The following RIMBP2 variants were observed in gnomAD, a reference collection of about 807,000 sequenced individuals.
RIMBP2 encodes the protein RIMS-binding protein 2.
A neutral mutation model predicts 118.6 loss-of-function variants in RIMBP2; 48 were observed. The ratio of observed to expected loss-of-function variants is 0.40; its 90% CI spans 0.32 to 0.51. RIMBP2 has a LOEUF of 0.51. Ranked by LOEUF, RIMBP2 falls within the 20% of genes least tolerant of loss-of-function variation. RIMBP2 has a pLI of 0.41. For missense variants in RIMBP2, 1,551 were observed against 1,768.3 expected, an observed-to-expected ratio of 0.88 and a Z score of 2.20; for synonymous variants, 762 against 742.9, an observed-to-expected ratio of 1.03 and a Z score of -0.42.
At chr12:130,463,943 G>A (rs1020101741) in intron 6 of RIMBP2, among the ~76,000 whole-genome samples, 1 of 150,774 alleles carries the variant, frequency 6.6e-6, no homozygotes, top group Non-Finnish European at 1.5e-5. Context: ...CACATTACAC[G>A]CTCATTATAA....
At chr12:130,607,867 A>G (rs2060281237) in intron 2 of RIMBP2, among the ~76,000 whole-genome samples, 1 of 152,008 alleles carries the variant, frequency 6.6e-6, no homozygotes, top group South Asian at 2.1e-4. Flanking sequence ...ATCAGAAATA[A>G]AGGCCATGAC....
At position 130,403,435 on chromosome 12, in the gene RIMBP2, T is replaced by C. The variant is rs79989999; in HGVS notation, c.3765+2737A>G. Among the ~76,000 whole-genome samples the C allele has an allele frequency of 3.5e-3, 526 of 152,280 alleles. 7 individuals are homozygous for C. The highest frequency in any genetic ancestry group is 0.012 in the African/African-American group (499 of 41,556). ...GGGGAATAGAAACATGCAGACAAATTAGAAAAATCTTCTTAAATTCCAGGA... is the reference window on the plus strand; with the variant it reads ...GGGGAATAGAAACATGCAGACAAATCAGAAAAATCTTCTTAAATTCCAGGA... On this transcript the variant is annotated intron_variant, in intron 21 of 22. Transcript: ENST00000690449.
intron 1 of RIMBP2, among the ~76,000 whole-genome samples, chr12:130,707,369 G>C (rs1949571205): frequency 6.6e-6 from 1 of 152,194 alleles, no homozygotes; most frequent in South Asian, 2.1e-4. Context: ...CATGGGGAGG[G>C]AGGGAGGCAC....
intron 2 of RIMBP2, among the ~76,000 whole-genome samples, chr12:130,613,955 AGG>A (rs1256688668): frequency 2.0e-5 from 3 of 152,114 alleles, no homozygotes; most frequent in African/African-American, 7.2e-5. Context: ...AGAGGGAGGG[AGG>A]CAGGTCCTTT....
intron 1 of RIMBP2, among the ~76,000 whole-genome samples, chr12:130,651,032 G>C (rs1012935476): frequency 1.3e-5 from 2 of 151,674 alleles, no homozygotes; most frequent in African/African-American, 4.8e-5. Flanking sequence ...GCTTGGCGGA[G>C]GCTGAGAAAG....
rs190166052 is a variant in RIMBP2, at chr12:130,424,156, C to T, written c.3115G>A (p.Ala1039Thr). ...APHAKPPPRV[A>T]QGPLILGNPA... ...AGGTCACACACCAGGGGGCCTTGTG[C>T]GACTCTGGGAGGTGGCTTTGCGTGG... The change falls in exon 16 of 23, where the codon GCA (alanine) becomes ACA (threonine). Residue 1039 changes from alanine to threonine, a missense_variant. By Grantham distance (58) the Ala-to-Thr change is moderately conservative. Transcript: ENST00000690449. The surrounding 1 kb of genome is among the most constrained non-coding windows in gnomAD (Gnocchi z 9.8). The T allele has an allele frequency of 2.1e-4, 260 of 1,231,560 alleles. No homozygotes were observed. The highest frequency in any genetic ancestry group is 6.2e-4 in the Middle Eastern group (2 of 3,208). 76.3% of individuals were successfully genotyped at this position (1,231,560 alleles called of 1,614,324 possible).
chr12:130,702,025 C>T (rs1489015600), intron 1 of RIMBP2, among the ~76,000 whole-genome samples: 4 of 152,126 alleles, frequency 2.6e-5, no homozygotes, highest in Admixed American at 6.5e-5. Context: ...CTCCCTGTGG[C>T]CAGCCAATTT....
chr12:130,588,933 G>A (rs578162313), intron 2 of RIMBP2, among the ~76,000 whole-genome samples: 1 of 152,344 alleles, frequency 6.6e-6, no homozygotes, highest in East Asian at 1.9e-4. Context: ...CCCCACGGGG[G>A]ATTTGCAAAG....
rs1230283265 is a variant in RIMBP2, at chr12:130,688,073, A to G, written c.-352+28149T>C. Among the ~76,000 whole-genome samples, 1 of 152,226 alleles carries G rather than the reference A, an allele frequency of 6.6e-6. No homozygotes were observed. The highest frequency in any genetic ancestry group is 1.5e-5 in the Non-Finnish European group (1 of 68,036). The stretch of plus-strand genomic sequence containing the variant: ...TTCGTACTGTGGGAAAGAGGGGCAC[A>G]TCACAGAAGTCACCAGAGAGCTTAC... On this transcript the variant is annotated intron_variant, in intron 1 of 22. Coordinates refer to ENST00000690449, the MANE Select transcript of RIMBP2 (RefSeq NM_001393629.1). The surrounding 1 kb of genome is among the most constrained non-coding windows in gnomAD (Gnocchi z 4.7).
In RIMBP2 at chr12:130,436,850, T is replaced by C; in HGVS notation, c.2098A>G (p.Ser700Gly). ...AREAAQRVAE[S>G]SRLEKRSVFL... The stretch of plus-strand genomic sequence containing the variant: ...GGGAGCCCCAGCCTTACCCTGCTGC[T>C]CTCGGCCACCCTCTGCGCGGCCTCC... The change falls in exon 13 of 23, where the codon AGC (serine) becomes GGC (glycine). Residue 700 changes from serine to glycine, a missense_variant. Around this residue, in one of 5 missense-constraint regions of RIMBP2, gnomAD observed 1,038 missense variants for 1,125.1 expected, o/e 0.92. Coordinates refer to ENST00000690449, the MANE Select transcript of RIMBP2 (RefSeq NM_001393629.1). The C allele has an allele frequency of 6.9e-7, 1 of 1,458,948 alleles. No individual in the cohort carries two copies. Among genetic ancestry groups the C allele is most frequent in the Non-Finnish European group, 9.0e-7 (1 of 1,106,412 alleles). The allele number at this position is 1,458,948 out of a possible 1,614,324, so 90.4% of individuals were successfully genotyped here.
chr12:130,399,932 A>T, intron 21 of RIMBP2, 119 bp from the exon 22 acceptor site: 1 of 1,180,320 alleles, frequency 8.5e-7, no homozygotes, highest in Non-Finnish European at 1.2e-6. Flanking sequence ...CTGGTTCAAA[A>T]GTGGCAGGAC....
At chr12:130,589,172 T>G (rs1412781191) in intron 2 of RIMBP2, among the ~76,000 whole-genome samples, 2 of 152,208 alleles carry the variant, frequency 1.3e-5, no homozygotes, top group Admixed American at 1.3e-4. Context: ...ATAATCCTTT[T>G]CAGGAAGACC....
At chr12:130,661,940 G>A (rs183193415) in intron 1 of RIMBP2, among the ~76,000 whole-genome samples, 14 of 152,294 alleles carry the variant, frequency 9.2e-5, no homozygotes, top group Non-Finnish European at 1.6e-4. Context: ...ATTTCTGTAT[G>A]TGTCACATGA....
At chr12:130,516,351 A>G (rs12822492) in intron 3 of RIMBP2, among the ~76,000 whole-genome samples, 7,855 of 152,336 alleles carry the variant, frequency 0.052, 269 homozygotes, top group South Asian at 0.16. Flanking sequence ...TTGACTGAGC[A>G]CCCGCTATGC....
At position 130,431,580 on chromosome 12, in the gene RIMBP2, T is replaced by G. The variant is rs529013623; in HGVS notation, c.2253+3154A>C. 3 of 166,632 alleles carry G rather than the reference T, an allele frequency of 1.8e-5. No individual in the cohort carries two copies. The highest frequency in any genetic ancestry group is 1.3e-4 in the Admixed American group (2 of 15,828). 10.3% of individuals were successfully genotyped at this position (166,632 alleles called of 1,614,324 possible). A position where few individuals can be genotyped will look rare whatever the true frequency, so the allele number is the denominator to read the frequency against. ...ATATTATTATATTATTAACAATATA[T>G]ATTAACAATTAATATATTGTTATAT... On this transcript the variant is annotated intron_variant, in intron 14 of 22. Coordinates refer to ENST00000690449, the MANE Select transcript of RIMBP2 (RefSeq NM_001393629.1). The surrounding 1 kb of genome is among the most constrained non-coding windows in gnomAD (Gnocchi z 4.0).
At chr12:130,571,527 C>A (rs1181817797) in intron 2 of RIMBP2, among the ~76,000 whole-genome samples, 2 of 151,022 alleles carry the variant, frequency 1.3e-5, no homozygotes, top group Non-Finnish European at 2.9e-5. Flanking sequence ...TCAAGCGATT[C>A]TCCTGCCTTA....
intron 1 of RIMBP2, among the ~76,000 whole-genome samples, chr12:130,664,242 G>A (rs1392408624): frequency 6.6e-6 from 1 of 151,712 alleles, no homozygotes; most frequent in Non-Finnish European, 1.5e-5. Context: ...AGAGGAGGGA[G>A]TTGAAATACA....
intron 2 of RIMBP2, among the ~76,000 whole-genome samples, chr12:130,542,143 T>TA (rs1279498634): frequency 6.8e-6 from 1 of 146,324 alleles, no homozygotes; most frequent in Non-Finnish European, 1.5e-5. Context: ...CAAGATGAAG[T>TA]AAGCACAAAG....
At position 130,414,252 on chromosome 12, in the gene RIMBP2, T is replaced by A; in HGVS notation, c.3293A>T (p.Asp1098Val). The change falls in exon 18 of 23, where the codon GAC (aspartate) becomes GTC (valine). Residue 1098 changes from aspartate (D) to valine (V), a missense_variant. This residue lies in a region of RIMBP2 where 1,038 missense variants were observed against 1,125.1 expected (regional missense o/e 0.92). Transcript: ENST00000690449. The part of the protein sequence containing the change: ...SPDFYEESET[D>V]PGAEELPARI... ...GGCCGGGAGCTCTTCGGCACCAGGG[T>A]CAGTTTCTGACTCTTCATAGAAGTC... The A allele has an allele frequency of 6.2e-7, 1 of 1,613,470 alleles. No homozygotes were observed. Among genetic ancestry groups the A allele is most frequent in the Non-Finnish European group, 8.5e-7 (1 of 1,179,714 alleles).
Sources: allele counts gnomAD v4.1 joint callset (sites outside exome capture counted in the v4.1 genomes callset), GRCh38; gene constraint gnomAD v4.1.1; regional missense constraint gnomAD v4.1.1; non-coding constraint Gnocchi (gnomAD v3.1); transcripts MANE v1.5; gene names NCBI Gene and HGNC (gene_info 2026-07-23, HGNC 2026-07-21).